PDXK: variants seen among roughly 807,000 people sequenced by gnomAD.
The protein encoded by PDXK is epididymis secretory sperm binding protein Li 1a.
Under a neutral mutation model 43.2 loss-of-function variants are expected in PDXK, and 15 were observed. The ratio of observed to expected loss-of-function variants is 0.35; its 90% confidence interval spans 0.23 to 0.53. The LOEUF is 0.53. Ranked by LOEUF, PDXK falls within the 20% of genes least tolerant of loss-of-function variation. The probability of loss-of-function intolerance (pLI) is 0.92; values close to 1 mark genes in which losing one functional copy is unlikely to be tolerated. For missense variants in PDXK, 343 were observed against 417.0 expected (o/e 0.82, Z 1.54); for synonymous variants, 172 against 165.4 (o/e 1.04, Z -0.31).
intron 2 of PDXK, chr21:43,738,161 T>C: frequency 1.8e-6 from 1 of 560,268 alleles, no homozygotes; most frequent in Non-Finnish European, 2.3e-6. Context: ...CCTACAGAGG[T>C]CAGCAGGTTA....
chr21:43,747,909 G>A (rs539049942), intron 5 of PDXK, among the ~76,000 whole-genome samples: 10 of 152,262 alleles, frequency 6.6e-5, no homozygotes, highest in Admixed American at 1.3e-4. Flanking sequence ...CGATTTCCTG[G>A]TCCAGGGATC....
chr21:43,752,056 G>A (rs551174503), intron 7 of PDXK, among the ~76,000 whole-genome samples: 1 of 152,286 alleles, frequency 6.6e-6, no homozygotes, highest in Non-Finnish European at 1.5e-5. Context: ...CCTGGAGCAG[G>A]GTCCAGATTC....
rs117207594 is a variant in PDXK, at chr21:43,743,622, C to G, written c.248-102C>G. The G allele has an allele frequency of 1.1e-3, 915 of 798,912 alleles. 14 individuals are homozygous for G. The East Asian group carries it at 0.023, about 20-fold the overall frequency. The allele number at this position is 798,912 out of a possible 1,614,324, so 49.5% of individuals were successfully genotyped here. ...GCCTGCACCCACCTCCCTCCCCAGC[C>G]ACCCCTCTGCAGGGTCTGCTGGTGC... is the stretch of plus-strand genomic sequence containing the variant. On this transcript the variant is annotated intron_variant, in intron 3 of 10. Transcript: ENST00000291565.
At chr21:43,743,640 G>A (rs1389456447) in intron 3 of PDXK, 84 bp from the exon 4 acceptor site, 3 of 970,806 alleles carry the variant, frequency 3.1e-6, no homozygotes, top group Non-Finnish European at 4.9e-6. Context: ...TGCAGGGTCT[G>A]CTGGTGCTTC....
At chr21:43,752,406 C>T (rs1316935906) in intron 7 of PDXK, 112 bp from the exon 8 acceptor site, 6 of 712,984 alleles carry the variant, frequency 8.4e-6, no homozygotes, top group South Asian at 3.3e-5. Context: ...TGTGACCGGC[C>T]GTGGCTGATG....
In PDXK at chr21:43,734,476, G is replaced by T. The variant is rs2083372137; in HGVS notation, c.142+353G>T. Among the ~76,000 whole-genome samples the T allele has an allele frequency of 6.6e-6, 1 of 152,186 alleles. No homozygotes were observed. The highest frequency in any genetic ancestry group is 1.5e-5 in the Non-Finnish European group (1 of 68,034). On this transcript the variant is annotated intron_variant, in intron 2 of 10. Coordinates refer to ENST00000291565, the MANE Select transcript of PDXK (RefSeq NM_003681.5). This position sits in a 1 kb window ranked among gnomAD's most constrained non-coding sequence, Gnocchi z 5.0. ...GTTGCCAGAGTTGATTACGTCACTT[G>T]CATAAAATGCTTGGACCAATGCCTG... is the stretch of plus-strand genomic sequence containing the variant.
chr21:43,738,149 C>A, intron 2 of PDXK: 2 of 673,338 alleles, frequency 3.0e-6, no homozygotes, highest in Non-Finnish European at 3.7e-6. Context: ...GGAGATGGAG[C>A]CCCTACAGAG....
At chr21:43,736,358 G>A (rs1040111780) in intron 2 of PDXK, among the ~76,000 whole-genome samples, 6 of 152,170 alleles carry the variant, frequency 3.9e-5, no homozygotes, top group African/African-American at 1.2e-4. Context: ...CTCCTGCTGC[G>A]TGGCCCATCG....
Position 43,730,734 on chromosome 21 carries a change from G to A in PDXK, c.88-3335G>A, listed in dbSNP as rs140345503. Among the ~76,000 whole-genome samples the A allele has an allele frequency of 3.6e-3, 549 of 152,198 alleles. 1 individual carries two copies. The highest frequency in any genetic ancestry group is 0.013 in the African/African-American group (542 of 41,522). On this transcript the variant is annotated intron_variant, in intron 1 of 10. Coordinates refer to ENST00000291565, the MANE Select transcript of PDXK (RefSeq NM_003681.5). ...TTTGGGAGGCTAAGGGAGGAGAATT[G>A]ATTGAGCTTAGGAGTTCAGGACTAG...
rs757004129 is a variant in PDXK at position 43,741,626 on chromosome 21, C to T, written c.143-41C>T. 1.3e-5 allele frequency: 21 copies of T among 1,595,680 alleles called. No individual in the cohort carries two copies. In the South Asian group the frequency reaches 2.0e-4, roughly 15 times the overall value. Reference sequence around the variant, plus strand: ...AAGGGAAGCCCACGGCCCCAGCTGGCCCCCTTGTGTCTGAGCCCCCATGGC... The same window carrying T: ...AAGGGAAGCCCACGGCCCCAGCTGGTCCCCTTGTGTCTGAGCCCCCATGGC... On this transcript the variant is annotated intron_variant, in intron 2 of 10. Coordinates refer to ENST00000291565, the MANE Select transcript of PDXK (RefSeq NM_003681.5).
chr21:43,759,945 C>T lies in PDXK; in HGVS notation c.*3882C>T, dbSNP rs2083906914. ...GAGGGTGGCTGTGGGAGGCCAAGTC[C>T]ACTGCCCGGAAGTCTTGTCAGCCCT... is the stretch of plus-strand genomic sequence containing the variant. On this transcript the variant is annotated 3_prime_UTR_variant, in exon 11 of 11. Transcript: ENST00000291565. 6.5e-6 allele frequency: 1 copy of T among 153,150 alleles called. No homozygotes were observed. Among genetic ancestry groups the T allele is most frequent in the South Asian group, 2.1e-4 (1 of 4,826 alleles). 9.5% of individuals were successfully genotyped at this position (153,150 alleles called of 1,614,324 possible).
chr21:43,742,280 G>T lies in PDXK; in HGVS notation c.247+509G>T, dbSNP rs143015366. ...CTGCAGCCTCAACCTCCCAGGCTCA[G>T]GTGATCCTCCTGCCTCAACATCCCA... On this transcript the variant is annotated intron_variant, in intron 3 of 10. Coordinates refer to ENST00000291565, the MANE Select transcript of PDXK (RefSeq NM_003681.5). 2.9e-3 allele frequency among the ~76,000 whole-genome samples: 440 copies of T among 152,290 alleles called. 3 individuals carry two copies. Among genetic ancestry groups the T allele is most frequent in the African/African-American group, 0.01 (417 of 41,554 alleles).
chr21:43,724,882 A>G (rs1256519741), intron 1 of PDXK, among the ~76,000 whole-genome samples: 1 of 151,986 alleles, frequency 6.6e-6, no homozygotes, highest in Non-Finnish European at 1.5e-5. Flanking sequence ...ATGGAAGTAC[A>G]ATGTATTTTT....
In PDXK at chr21:43,753,729, A is replaced by G; in HGVS notation, c.759+10A>G. On this transcript the variant is annotated intron_variant, in intron 9 of 10. Transcript: ENST00000291565. ...CCCCAATAACCTCAAGGTCAGCCAC[A>G]CGCACCGCTCCCCTCCTCGCCCACT... 6.2e-7 allele frequency: 1 copy of G among 1,607,096 alleles called. No individual in the cohort carries two copies. Among genetic ancestry groups the G allele is most frequent in the South Asian group, 1.1e-5 (1 of 90,238 alleles).
At chr21:43,751,394 C>T (rs578238649) in intron 7 of PDXK, among the ~76,000 whole-genome samples, 1 of 152,114 alleles carries the variant, frequency 6.6e-6, no homozygotes, top group Admixed American at 6.5e-5. Context: ...ACTAAAAATA[C>T]AAAAATTAGC....
intron 7 of PDXK, 104 bp from the exon 8 acceptor site, chr21:43,752,414 A>T: frequency 1.3e-6 from 1 of 756,176 alleles, no homozygotes; most frequent in Admixed American, 2.0e-5. Flanking sequence ...GCCGTGGCTG[A>T]TGCTCCCCGT....
chr21:43,742,365 G>C (rs2083551803), intron 3 of PDXK, among the ~76,000 whole-genome samples: 1 of 152,028 alleles, frequency 6.6e-6, no homozygotes, highest in Non-Finnish European at 1.5e-5. Context: ...GGGTGTGTGT[G>C]GAGACAGGGT....
intron 2 of PDXK, chr21:43,738,549 C>T (rs1277254883): frequency 6.6e-6 from 1 of 152,230 alleles, no homozygotes; most frequent in African/African-American, 2.4e-5. Context: ...AGGAAAGCCT[C>T]CTAATTGCCA....
chr21:43,729,255 G>A (rs1016440042), intron 1 of PDXK, among the ~76,000 whole-genome samples: 3 of 152,270 alleles, frequency 2.0e-5, no homozygotes, highest in African/African-American at 7.2e-5. Context: ...GGGTTTGTCA[G>A]AGGCCGGGGG....
Sources: gnomAD v4.1 joint callset for allele counts (sites outside exome capture counted in the v4.1 genomes callset) on GRCh38, gnomAD v4.1.1 for gene constraint, Gnocchi (gnomAD v3.1) non-coding constraint, MANE v1.5 for transcripts, NCBI Gene and HGNC (gene_info 2026-07-23, HGNC 2026-07-21) for gene names.